Variants in IRAG2 observed in about 807,000 individuals in gnomAD.
IRAG2 encodes the protein lymphoid restricted membrane protein.
In IRAG2, 45 loss-of-function variants were observed where a neutral mutation model predicts 69.9. That is an observed-to-expected ratio of 0.64 (90% CI 0.51 to 0.83). The LOEUF (loss-of-function observed/expected upper bound fraction) is 0.83. Ranked by LOEUF, IRAG2 falls within the 40% of genes least tolerant of loss-of-function variation. The pLI is 0.00. For missense variants in IRAG2, 520 were observed against 587.0 expected (o/e 0.89, Z 1.18); for synonymous variants, 193 against 202.4 (o/e 0.95, Z 0.40).
At chr12:25,054,597 T>C (rs1413978391) in intron 1 of IRAG2, among the ~76,000 whole-genome samples, 1 of 152,218 alleles carries the variant, frequency 6.6e-6, no homozygotes, top group Admixed American at 6.5e-5. Context: ...AAAAGCAGAA[T>C]ATGAAAGCTG....
chr12:25,087,153 CTTTTTTTTTTTTTTTT>C (rs780510333), intron 10 of IRAG2, among the ~76,000 whole-genome samples: 1 of 76,656 alleles, frequency 1.3e-5, no homozygotes, highest in Non-Finnish European at 2.3e-5. Flanking sequence ...ACTCTCCTTC[CTTTTTTTTTTTTTTTT>C]TTTTTTTTTT....
intron 1 of IRAG2, among the ~76,000 whole-genome samples, chr12:25,053,954 G>T (rs374927129): frequency 6.6e-6 from 1 of 151,984 alleles, no homozygotes; most frequent in African/African-American, 2.4e-5. Flanking sequence ...ATGGTTTGCC[G>T]GACACAGTGG....
intron 6 of IRAG2, among the ~76,000 whole-genome samples, chr12:25,069,758 G>C (rs1217140744): frequency 6.6e-6 from 1 of 152,174 alleles, no homozygotes; most frequent in Non-Finnish European, 1.5e-5. Context: ...ACGAATGACT[G>C]TAAGAAGCCT....
chr12:25,094,962 G>GT (rs927261295), intron 14 of IRAG2, among the ~76,000 whole-genome samples: 24 of 152,002 alleles, frequency 1.6e-4, no homozygotes, highest in Non-Finnish European at 2.2e-4. Context: ...GTTCTAACAG[G>GT]TTTTTTTGGT....
At chr12:25,100,400 CAGA>C (rs1197808894) in intron 15 of IRAG2, among the ~76,000 whole-genome samples, 9 of 152,204 alleles carry the variant, frequency 5.9e-5, no homozygotes, top group African/African-American at 2.2e-4. Flanking sequence ...GATGTATACC[CAGA>C]AGAATTGAAA....
intron 5 of IRAG2, among the ~76,000 whole-genome samples, chr12:25,066,942 G>A (rs777361979): frequency 1.3e-5 from 2 of 151,936 alleles, no homozygotes; most frequent in Non-Finnish European, 2.9e-5. Context: ...GAGCCACCAC[G>A]CCCAGCCGAA....
intron 4 of IRAG2, among the ~76,000 whole-genome samples, 197 bp from the exon 5 acceptor site, chr12:25,066,168 C>T (rs971865117): frequency 1.3e-5 from 2 of 151,460 alleles, no homozygotes; most frequent in Non-Finnish European, 2.9e-5. Flanking sequence ...ACTATCATTC[C>T]CAAATGCTTT....
chr12:25,022,470 G>A (rs758625650), intron 7 of IRAG2, among the ~76,000 whole-genome samples: 1 of 151,998 alleles, frequency 6.6e-6, no homozygotes, highest in African/African-American at 2.4e-5. Flanking sequence ...TTCCAGCCTG[G>A]GTGTCTGAGA....
chr12:25,043,002 T>TAAAA (rs61246525), intron 16 of IRAG2, among the ~76,000 whole-genome samples: 2 of 142,904 alleles, frequency 1.4e-5, no homozygotes, highest in Non-Finnish European at 3.0e-5. Flanking sequence ...TCTTTGAAAT[T>TAAAA]AAAAAAAAAA....
At chr12:25,096,879 G>A (rs374317340) in intron 14 of IRAG2, 31 bp from the exon 15 acceptor site, 707 of 1,577,216 alleles carry the variant, frequency 4.5e-4, no homozygotes, top group Non-Finnish European at 5.8e-4. Context: ...GCTTGTGTTA[G>A]ATATCTTTTA....
At chr12:25,035,900 C>A (rs1418560484) in intron 14 of IRAG2, 4 of 397,048 alleles carry the variant, frequency 1.0e-5, no homozygotes, top group African/African-American at 8.2e-5. Context: ...CTGCTGAGAC[C>A]CAAATTAATA....
At chr12:25,050,625 C>G (rs1330875021), upstream of IRAG2, among the ~76,000 whole-genome samples, 1 of 151,764 alleles carries the variant, frequency 6.6e-6, no homozygotes, top group African/African-American at 2.4e-5. Context: ...AACCCCACTT[C>G]TGGGTATTTA....
At chr12:25,017,257 A>G in exon 6 of IRAG2, 1 of 1,232,194 alleles carries the variant, frequency 8.1e-7, no homozygotes, top group Non-Finnish European at 1.0e-6. Context: ...GCCAGTTATC[A>G]GAGGACTGTA....
chr12:25,018,586 A>T (rs1016497544), intron 6 of IRAG2, among the ~76,000 whole-genome samples: 1 of 152,174 alleles, frequency 6.6e-6, no homozygotes, highest in Non-Finnish European at 1.5e-5. Flanking sequence ...CTTTAAAAAA[A>T]TTGCTTACCT....
intron 14 of IRAG2, among the ~76,000 whole-genome samples, chr12:25,036,003 G>A (rs1028702016): frequency 2.6e-5 from 4 of 152,174 alleles, no homozygotes; most frequent in East Asian, 1.9e-4. Context: ...CATTAGATAC[G>A]GATTGCTTGA....
chr12:25,020,922 A>T, intron 7 of IRAG2: 1 of 1,181,230 alleles, frequency 8.5e-7, no homozygotes, highest in Non-Finnish European at 1.1e-6. Context: ...GTCATCTATT[A>T]TAGTACTTTG....
chr12:25,105,701 T>C (rs1012010517), intron 20 of IRAG2, among the ~76,000 whole-genome samples: 5 of 152,170 alleles, frequency 3.3e-5, no homozygotes, highest in African/African-American at 1.2e-4. Context: ...TTTTTGTTAG[T>C]ATGGTATGAT....
At chr12:25,039,332 G>A (rs1311362647) in intron 16 of IRAG2, among the ~76,000 whole-genome samples, 1 of 152,232 alleles carries the variant, frequency 6.6e-6, no homozygotes, top group Non-Finnish European at 1.5e-5. Context: ...CTTTCCCTAA[G>A]AAGCAGAGAA....
chr12:25,025,794 T>C (rs777332275), intron 8 of IRAG2, among the ~76,000 whole-genome samples: 1 of 152,240 alleles, frequency 6.6e-6, no homozygotes, highest in African/African-American at 2.4e-5. Flanking sequence ...ATATTTGTTA[T>C]GTTTTCAGGT....
Sources: gnomAD v4.1 joint callset for allele counts (sites outside exome capture counted in the v4.1 genomes callset) on GRCh38, gnomAD v4.1.1 for gene constraint, MANE v1.5 for transcripts, NCBI Gene and HGNC (gene_info 2026-07-23, HGNC 2026-07-21) for gene names.